PCDH9: variants seen among roughly 807,000 people sequenced by gnomAD.
PCDH9 encodes the protein protocadherin 9.
In PCDH9, 24 loss-of-function variants were observed where a neutral mutation model predicts 70.6. That is an observed-to-expected ratio of 0.34 (90% CI 0.25 to 0.48). PCDH9 has a LOEUF of 0.48. Among genes scored for constraint, PCDH9 ranks in the 20% least tolerant of loss-of-function variants. The pLI, the probability that PCDH9 is intolerant of heterozygous loss-of-function variation, is 0.99. For synonymous variants in PCDH9, 562 were observed against 558.5 expected (o/e 1.01, Z -0.09); for missense variants, 1,281 against 1,503.6 (o/e 0.85, Z 2.45).
At chr13:66,440,391 C>T (rs1050774190) in intron 4 of PCDH9, among the ~76,000 whole-genome samples, 18 of 152,086 alleles carry the variant, frequency 1.2e-4, no homozygotes, top group African/African-American at 4.1e-4. Context: ...TATTAATTTC[C>T]TGTGCTTGAT....
intron 2 of PCDH9, among the ~76,000 whole-genome samples, chr13:67,125,501 C>T (rs2086959428): frequency 2.0e-5 from 3 of 152,004 alleles, no homozygotes; most frequent in Admixed American, 2.0e-4. Flanking sequence ...AAATATTAAG[C>T]TACAGAAAAA....
intron 3 of PCDH9, among the ~76,000 whole-genome samples, chr13:66,829,528 G>T (rs2080885902): frequency 6.6e-6 from 1 of 151,612 alleles, no homozygotes; most frequent in African/African-American, 2.4e-5. Context: ...GTATATATTT[G>T]TCAAACATAT....
At chr13:67,008,945 A>G (rs902117213) in intron 2 of PCDH9, among the ~76,000 whole-genome samples, 1 of 152,200 alleles carries the variant, frequency 6.6e-6, no homozygotes, top group African/African-American at 2.4e-5. Flanking sequence ...TTTATCACTT[A>G]TTAAACACAT....
intron 3 of PCDH9, among the ~76,000 whole-genome samples, chr13:66,682,204 A>G (rs1293744891): frequency 2.0e-5 from 3 of 151,732 alleles, no homozygotes; most frequent in African/African-American, 7.3e-5. Context: ...AAATTTTAAG[A>G]CCTCATATGT....
chr13:66,353,745 A>G (rs185382568), intron 4 of PCDH9, among the ~76,000 whole-genome samples: 83 of 152,212 alleles, frequency 5.5e-4, no homozygotes, highest in Admixed American at 1.4e-3. Flanking sequence ...TCTGTTTGTT[A>G]AACAATGCAT....
chr13:67,115,232 A>G (rs567478578), intron 2 of PCDH9, among the ~76,000 whole-genome samples: 7 of 152,314 alleles, frequency 4.6e-5, no homozygotes, highest in Middle Eastern at 3.4e-3. Context: ...AGTAATAATA[A>G]TTGGATTTAT....
intron 3 of PCDH9, among the ~76,000 whole-genome samples, chr13:66,851,575 T>TCACACACACACACACACA (rs59674873): frequency 7.5e-5 from 11 of 146,838 alleles, no homozygotes; most frequent in African/African-American, 2.5e-4. Context: ...CGCATCACCC[T>TCACACACACACACACACA]CACACACACA....
intron 2 of PCDH9, among the ~76,000 whole-genome samples, chr13:67,124,350 T>C (rs1349536402): frequency 6.6e-6 from 1 of 152,176 alleles, no homozygotes; most frequent in Non-Finnish European, 1.5e-5. Flanking sequence ...ATATATTTAT[T>C]TGAAGAATTT....
At chr13:67,085,503 G>A (rs951112405) in intron 2 of PCDH9, among the ~76,000 whole-genome samples, 5 of 152,134 alleles carry the variant, frequency 3.3e-5, no homozygotes, top group African/African-American at 1.2e-4. Flanking sequence ...TCACTTATAA[G>A]TAATGTTGAC....
intron 3 of PCDH9, among the ~76,000 whole-genome samples, chr13:66,807,813 G>C (rs561014482): frequency 6.6e-6 from 1 of 151,908 alleles, no homozygotes; most frequent in African/African-American, 2.4e-5. Context: ...TAAACTTATC[G>C]ACCTTTCTTT....
At chr13:66,726,255 T>C (rs1312693722) in intron 3 of PCDH9, among the ~76,000 whole-genome samples, 1 of 151,930 alleles carries the variant, frequency 6.6e-6, no homozygotes, top group Non-Finnish European at 1.5e-5. Flanking sequence ...AGGAGAAAGG[T>C]TGGAAGAATT....
chr13:66,806,775 A>G (rs569404655), intron 3 of PCDH9, among the ~76,000 whole-genome samples: 1 of 152,326 alleles, frequency 6.6e-6, no homozygotes, highest in South Asian at 2.1e-4. Flanking sequence ...GGTGCTTAGC[A>G]CAGCACCTGC....
chr13:67,036,907 G>A (rs921124235), intron 2 of PCDH9, among the ~76,000 whole-genome samples: 4 of 152,184 alleles, frequency 2.6e-5, no homozygotes, highest in East Asian at 1.9e-4. Context: ...AAGCTGCTCC[G>A]GAGAAAGCGC....
chr13:66,348,935 G>A (rs1056701872), intron 4 of PCDH9, among the ~76,000 whole-genome samples: 5 of 152,052 alleles, frequency 3.3e-5, no homozygotes, highest in African/African-American at 1.2e-4. Flanking sequence ...TGTGTCGTGG[G>A]AATTTTAGCC....
intron 4 of PCDH9, among the ~76,000 whole-genome samples, chr13:66,568,992 G>GTGTTTTT (rs1263205330): frequency 1.2e-5 from 1 of 80,704 alleles, no homozygotes; most frequent in Non-Finnish European, 2.4e-5. Context: ...TTGGAAACAT[G>GTGTTTTT]TCTTTTTTTT....
At chr13:66,888,095 T>C (rs1368275027) in intron 3 of PCDH9, among the ~76,000 whole-genome samples, 1 of 152,246 alleles carries the variant, frequency 6.6e-6, no homozygotes, top group East Asian at 1.9e-4. Context: ...TAATTAATTT[T>C]ACTCACTTGC....
chr13:66,466,598 A>G (rs1338292483), intron 4 of PCDH9, among the ~76,000 whole-genome samples: 2 of 152,042 alleles, frequency 1.3e-5, no homozygotes, highest in Non-Finnish European at 2.9e-5. Flanking sequence ...TCAGGGCCCC[A>G]CACTAAGGCA....
intron 2 of PCDH9, among the ~76,000 whole-genome samples, chr13:67,064,573 T>C (rs2085604492): frequency 2.0e-5 from 3 of 152,150 alleles, no homozygotes; most frequent in Non-Finnish European, 4.4e-5. Flanking sequence ...AAATATCTGT[T>C]CCTTGTAGAA....
chr13:66,529,810 C>T (rs1171609710), intron 4 of PCDH9, among the ~76,000 whole-genome samples: 1 of 150,980 alleles, frequency 6.6e-6, no homozygotes, highest in African/African-American at 2.4e-5. Flanking sequence ...AAAGGTTCCT[C>T]ATACAGATCA....
Sources: allele counts gnomAD v4.1 joint callset (sites outside exome capture counted in the v4.1 genomes callset), GRCh38; gene constraint gnomAD v4.1.1; transcripts MANE v1.5; gene names NCBI Gene and HGNC (gene_info 2026-07-23, HGNC 2026-07-21).